The following FSTL4 variants were observed in gnomAD, a reference collection of about 807,000 sequenced individuals.
The protein encoded by FSTL4 is follistatin-related protein 4.
In FSTL4, 28 loss-of-function variants were observed where a neutral mutation model predicts 78.2. The observed-to-expected ratio is 0.36, with a 90% CI of 0.27 to 0.49. The LOEUF is 0.49. Ranked by LOEUF, FSTL4 falls within the 20% of genes least tolerant of loss-of-function variation. The pLI is 0.98. For synonymous variants in FSTL4, 422 were observed against 440.5 expected, an observed-to-expected ratio of 0.96 and a Z score of 0.53; for missense variants, 922 against 1,084.9, an observed-to-expected ratio of 0.85 and a Z score of 2.11.
the FSTL4 span, among the ~76,000 whole-genome samples, chr5:133,766,494 T>C: frequency 6.6e-6 from 1 of 152,230 alleles, no homozygotes; most frequent in Non-Finnish European, 1.5e-5. Context: ...AATGATTCAC[T>C]GAATTTATTG....
chr5:133,758,445 T>C, the FSTL4 span, among the ~76,000 whole-genome samples: 1 of 152,160 alleles, frequency 6.6e-6, no homozygotes, highest in Non-Finnish European at 1.5e-5. Context: ...CCAAGTTTAC[T>C]ACAAAAGAAT....
the FSTL4 span, among the ~76,000 whole-genome samples, chr5:133,674,051 T>C: frequency 6.6e-6 from 1 of 152,234 alleles, no homozygotes; most frequent in Non-Finnish European, 1.5e-5. Flanking sequence ...CACGCTGTGA[T>C]ACAGCAACAA....
chr5:133,261,685 G>A (rs1190695693), intron 6 of FSTL4, among the ~76,000 whole-genome samples: 2 of 151,994 alleles, frequency 1.3e-5, no homozygotes, highest in African/African-American at 2.4e-5. Context: ...GTGAAACTCC[G>A]TCTCTACTAA....
chr5:133,526,467 T>C (rs2112903671), intron 3 of FSTL4, among the ~76,000 whole-genome samples: 1 of 152,090 alleles, frequency 6.6e-6, no homozygotes, highest in East Asian at 1.9e-4. Context: ...ACTTGCTGGG[T>C]TAGGGTGCGA....
At chr5:133,709,746 T>C in the FSTL4 span, among the ~76,000 whole-genome samples, 3 of 152,250 alleles carry the variant, frequency 2.0e-5, no homozygotes, top group Non-Finnish European at 2.9e-5. Flanking sequence ...TAAATATTAA[T>C]AGTTTCCAGA....
intron 4 of FSTL4, among the ~76,000 whole-genome samples, chr5:133,328,201 G>A (rs1754261922): frequency 6.6e-6 from 1 of 152,206 alleles, no homozygotes; most frequent in African/African-American, 2.4e-5. Flanking sequence ...CCGACTCCAA[G>A]GCTGGTGGCA....
chr5:133,303,792 A>G (rs1753601166), intron 6 of FSTL4, among the ~76,000 whole-genome samples: 1 of 152,206 alleles, frequency 6.6e-6, no homozygotes, highest in Non-Finnish European at 1.5e-5. Flanking sequence ...GTACAACCTC[A>G]GGCAAGGTTT....
chr5:133,240,753 C>G (rs1751843923), intron 7 of FSTL4, among the ~76,000 whole-genome samples: 2 of 152,170 alleles, frequency 1.3e-5, no homozygotes, highest in South Asian at 4.1e-4. Flanking sequence ...CTGTGCATAA[C>G]TGAGCTCAAT....
At chr5:133,737,258 C>CT in the FSTL4 span, among the ~76,000 whole-genome samples, 1 of 151,614 alleles carries the variant, frequency 6.6e-6, no homozygotes, top group African/African-American at 2.4e-5. Context: ...AATCCCCCCA[C>CT]TACCCTTCCC....
At chr5:133,300,158 G>A (rs1047186354) in intron 6 of FSTL4, among the ~76,000 whole-genome samples, 8 of 152,198 alleles carry the variant, frequency 5.3e-5, no homozygotes, top group South Asian at 2.1e-4. Flanking sequence ...GGCCCGGGAT[G>A]CAGGATGGCC....
rs546401025 is a variant in FSTL4, at chr5:133,325,677, C to T, written c.410-9025G>A. On this transcript the variant is annotated intron_variant, in intron 4 of 15. Coordinates refer to ENST00000265342, the MANE Select transcript of FSTL4 (RefSeq NM_015082.2). ...TCTTCCCAAACCAGACACAGGCCAT[C>T]CCTGCAGAAACCACATAGTAACCAG... 9.9e-5 allele frequency among the ~76,000 whole-genome samples: 15 copies of T among 152,262 alleles called. 1 individual carries two copies. In the South Asian group the frequency reaches 2.7e-3, roughly 27 times the overall value.
the FSTL4 span, among the ~76,000 whole-genome samples, chr5:133,679,793 C>T: frequency 6.6e-6 from 1 of 152,078 alleles, no homozygotes; most frequent in African/African-American, 2.4e-5. Flanking sequence ...CTGACCTCAT[C>T]CTATCCCAGG....
At chr5:133,438,929 A>C (rs186234323) in intron 3 of FSTL4, among the ~76,000 whole-genome samples, 1 of 152,218 alleles carries the variant, frequency 6.6e-6, no homozygotes, top group African/African-American at 2.4e-5. Flanking sequence ...GATGCTCAAG[A>C]TCTTCTGGAA....
intron 4 of FSTL4, among the ~76,000 whole-genome samples, chr5:133,358,591 CTTTTTTTTTTT>C (rs1173835923): frequency 8.7e-6 from 1 of 115,414 alleles, no homozygotes; most frequent in African/African-American, 3.4e-5. Context: ...GGTTCTATTT[CTTTTTTTTTTT>C]TTTTTTTTTT....
intron 4 of FSTL4, among the ~76,000 whole-genome samples, chr5:133,394,239 C>A (rs952156847): frequency 6.6e-6 from 1 of 152,264 alleles, no homozygotes; most frequent in Non-Finnish European, 1.5e-5. Flanking sequence ...TCAGCCTTGG[C>A]GCCCACTCTG....
the FSTL4 span, among the ~76,000 whole-genome samples, chr5:133,694,521 C>T: frequency 6.6e-6 from 1 of 152,268 alleles, no homozygotes; most frequent in African/African-American, 2.4e-5. Flanking sequence ...TCTCCTGGCG[C>T]TCACAGCCTA....
intron 3 of FSTL4, among the ~76,000 whole-genome samples, chr5:133,422,992 G>A (rs1328396317): frequency 6.6e-6 from 1 of 151,584 alleles, no homozygotes; most frequent in Admixed American, 6.7e-5. Context: ...TGTCTTCTGA[G>A]AGAATGAGGC....
the FSTL4 span, among the ~76,000 whole-genome samples, chr5:133,688,331 T>C: frequency 6.6e-6 from 1 of 152,192 alleles, no homozygotes; most frequent in Admixed American, 6.5e-5. Context: ...GAGAATTGCT[T>C]GAACCCAGGA....
At chr5:133,562,529 G>A (rs1759937261) in intron 3 of FSTL4, among the ~76,000 whole-genome samples, 2 of 152,292 alleles carry the variant, frequency 1.3e-5, no homozygotes, top group South Asian at 2.1e-4. Flanking sequence ...GCCATGCTGA[G>A]TGTGCACGTG....
Sources: gnomAD v4.1 joint callset for allele counts (sites outside exome capture counted in the v4.1 genomes callset) on GRCh38, gnomAD v4.1.1 for gene constraint, MANE v1.5 for transcripts, NCBI Gene and HGNC (gene_info 2026-07-23, HGNC 2026-07-21) for gene names.